NRP2: variants seen among roughly 807,000 people sequenced by gnomAD.
NRP2 encodes the protein neuropilin 2.
A neutral mutation model predicts 110.4 loss-of-function variants in NRP2; 52 were observed. The ratio of observed to expected loss-of-function variants is 0.47; its 90% CI spans 0.38 to 0.59. The LOEUF is 0.59. NRP2 is among the 20% of genes least tolerant of loss of function. The pLI, the probability that NRP2 is intolerant of heterozygous loss-of-function variation, is 0.00. For missense variants in NRP2, 1,049 were observed against 1,203.0 expected, an observed-to-expected ratio of 0.87 and a Z score of 1.89; for synonymous variants, 508 against 468.9, an observed-to-expected ratio of 1.08 and a Z score of -1.08.
intron 7 of NRP2, among the ~76,000 whole-genome samples, chr2:205,738,544 C>T (rs1291995124): frequency 6.6e-6 from 1 of 152,210 alleles, no homozygotes; most frequent in African/African-American, 2.4e-5. Flanking sequence ...GGGTCAGTCA[C>T]CACTCCCCTT....
At chr2:205,698,879 AC>A (rs909673421) in intron 2 of NRP2, among the ~76,000 whole-genome samples, 2 of 152,252 alleles carry the variant, frequency 1.3e-5, no homozygotes, top group African/African-American at 4.8e-5. Flanking sequence ...CAGGACAGGT[AC>A]CAAGGAGAAG....
chr2:205,738,267 C>G (rs1180921666), intron 7 of NRP2, among the ~76,000 whole-genome samples: 1 of 152,154 alleles, frequency 6.6e-6, no homozygotes, highest in Admixed American at 6.5e-5. Flanking sequence ...TGATGGCGAC[C>G]ACACACACAG....
In NRP2 at chr2:205,719,176, C is replaced by T. The variant is rs572292265; in HGVS notation, c.433+2802C>T. Among the ~76,000 whole-genome samples the T allele has an allele frequency of 3.3e-5, 5 of 152,188 alleles. No individual in the cohort carries two copies. In the South Asian group the frequency reaches 8.3e-4, roughly 25 times the overall value. On this transcript the variant is annotated intron_variant, in intron 3 of 16. Coordinates refer to ENST00000357785, the MANE Select transcript of NRP2 (RefSeq NM_003872.3). ...AACAAACACAGCTATGTTTGCTAGTCGGATTCATAGAGAGGAAGAAGCGGG... is the reference window on the plus strand; with the variant it reads ...AACAAACACAGCTATGTTTGCTAGTTGGATTCATAGAGAGGAAGAAGCGGG...
intron 15 of NRP2, chr2:205,777,226 A>C: frequency 3.5e-6 from 3 of 860,682 alleles, no homozygotes; most frequent in Non-Finnish European, 4.2e-6. Context: ...GCCACATGGG[A>C]TGCAGTGTGG....
chr2:205,735,492 TA>T (rs1020313841), intron 7 of NRP2, among the ~76,000 whole-genome samples: 1 of 148,264 alleles, frequency 6.7e-6, no homozygotes, highest in African/African-American at 2.5e-5. Context: ...ATGTATATTA[TA>T]GAATATATTC....
At chr2:205,753,064 C>T in intron 12 of NRP2, 89 bp downstream of exon 12, 1 of 1,513,088 alleles carries the variant, frequency 6.6e-7, no homozygotes, top group East Asian at 2.3e-5. Flanking sequence ...AGCTTCATAA[C>T]TTCCCACCGC....
chr2:205,721,253 T>G (rs2057005767), intron 3 of NRP2, among the ~76,000 whole-genome samples: 1 of 152,182 alleles, frequency 6.6e-6, no homozygotes, highest in African/African-American at 2.4e-5. Flanking sequence ...CAGAGGACAC[T>G]TCCTGACAGT....
At chr2:205,732,298 A>G (rs946688083) in intron 7 of NRP2, among the ~76,000 whole-genome samples, 2 of 152,194 alleles carry the variant, frequency 1.3e-5, no homozygotes, top group Non-Finnish European at 2.9e-5. Flanking sequence ...CAAAACAAAT[A>G]AACACTCCAC....
At chr2:205,753,640 C>A (rs1425411942) in intron 12 of NRP2, among the ~76,000 whole-genome samples, 2 of 152,222 alleles carry the variant, frequency 1.3e-5, no homozygotes, top group Admixed American at 1.3e-4. Flanking sequence ...AAACAGGTAG[C>A]AAGAGTTGTC....
intron 15 of NRP2, chr2:205,767,063 C>T (rs2057935214): frequency 5.4e-6 from 3 of 555,320 alleles, no homozygotes. Context: ...ATAAACCTTT[C>T]AGCCTTGCAT....
chr2:205,703,841 C>G (rs1049101889), intron 2 of NRP2, among the ~76,000 whole-genome samples: 1 of 152,154 alleles, frequency 6.6e-6, no homozygotes, highest in Admixed American at 6.5e-5. Flanking sequence ...AACCAGTGAG[C>G]ATTGTAAGGG....
chr2:205,691,697 AAT>A (rs2056318669), intron 1 of NRP2, among the ~76,000 whole-genome samples: 1 of 152,208 alleles, frequency 6.6e-6, no homozygotes, highest in Non-Finnish European at 1.5e-5. Flanking sequence ...TGTCTCCTAA[AAT>A]GGTCAGGAAT....
intron 8 of NRP2, among the ~76,000 whole-genome samples, chr2:205,742,539 G>A (rs2105871537): frequency 6.6e-6 from 1 of 152,302 alleles, no homozygotes. Flanking sequence ...GAAAATGTTA[G>A]TCTGGGGGTG....
At chr2:205,687,292 T>G (rs1016280310) in intron 1 of NRP2, among the ~76,000 whole-genome samples, 1 of 152,214 alleles carries the variant, frequency 6.6e-6, no homozygotes, top group African/African-American at 2.4e-5. Flanking sequence ...GTGTTTCTTT[T>G]AGCCTGTCTC....
rs2057849784 is a variant in NRP2 at position 205,763,028 on chromosome 2, C to A, written c.2045-646C>A. Among the ~76,000 whole-genome samples, 1 of 152,218 alleles carries A rather than the reference C, an allele frequency of 6.6e-6. No individual in the cohort carries two copies. The highest frequency in any genetic ancestry group is 1.5e-5 in the Non-Finnish European group (1 of 68,048). The stretch of plus-strand genomic sequence containing the variant: ...TCTCAGAAAGGCCAAGTTCAAGCCT[C>A]CCTGAATCATCCCTTTCAGCTCCCA... On this transcript the variant is annotated intron_variant, in intron 12 of 16. Transcript: ENST00000357785. The surrounding 1 kb of genome is among the most constrained non-coding windows in gnomAD (Gnocchi z 4.0).
At chr2:205,732,881 T>TA (rs34154398) in intron 7 of NRP2, among the ~76,000 whole-genome samples, 3,331 of 152,152 alleles carry the variant, frequency 0.022, 95 homozygotes, top group African/African-American at 0.066. Context: ...ACCTTTTTTT[T>TA]AAAAAAACCT....
chr2:205,776,627 C>A, intron 15 of NRP2: 1 of 1,591,716 alleles, frequency 6.3e-7, no homozygotes, highest in South Asian at 1.1e-5. Context: ...TGTGTGAACT[C>A]TCAGACATCT....
intron 6 of NRP2, 45 bp from the exon 7 acceptor site, chr2:205,727,846 T>C: frequency 6.3e-7 from 1 of 1,582,492 alleles, no homozygotes; most frequent in Non-Finnish European, 8.6e-7. Context: ...GACACTGCCC[T>C]GTGTTGGGAA....
intron 12 of NRP2, chr2:205,761,000 G>T (rs560774610): frequency 6.6e-6 from 1 of 152,230 alleles, no homozygotes; most frequent in Non-Finnish European, 1.5e-5. Context: ...GGAAATTACC[G>T]GAAGCGTGGG....
Sources: allele counts gnomAD v4.1 joint callset (sites outside exome capture counted in the v4.1 genomes callset), GRCh38; gene constraint gnomAD v4.1.1; non-coding constraint Gnocchi (gnomAD v3.1); transcripts MANE v1.5; gene names NCBI Gene and HGNC (gene_info 2026-07-23, HGNC 2026-07-21).